The following CDH10 variants were observed in gnomAD, a reference collection of about 807,000 sequenced individuals.
CDH10 encodes cadherin-10.
In CDH10, 30 loss-of-function variants were observed where a neutral mutation model predicts 73.1. The ratio of observed to expected loss-of-function variants is 0.41; its 90% CI spans 0.31 to 0.56. The LOEUF (loss-of-function observed/expected upper bound fraction) is 0.56, where lower values mean the gene tolerates loss of function less well. CDH10 is among the 20% of genes least tolerant of loss of function. The pLI is 0.27. For synonymous variants in CDH10, 345 were observed against 348.2 expected, an observed-to-expected ratio of 0.99 and a Z score of 0.10; for missense variants, 815 against 973.7, an observed-to-expected ratio of 0.84 and a Z score of 2.17.
At chr5:24,593,215 T>C (rs1215129397) in intron 2 of CDH10, 45 bp downstream of exon 2, 2 of 1,067,162 alleles carry the variant, frequency 1.9e-6, no homozygotes, top group African/African-American at 3.2e-5. Flanking sequence ...CAGTAAAATA[T>C]ATAAAGAGCA....
intron 2 of CDH10, among the ~76,000 whole-genome samples, chr5:24,573,571 G>A (rs1405015142): frequency 6.6e-6 from 1 of 151,336 alleles, no homozygotes; most frequent in Non-Finnish European, 1.5e-5. Context: ...CGTGGTGGCG[G>A]GCACCTGTAG....
At chr5:24,516,435 T>C (rs1430061994) in intron 5 of CDH10, among the ~76,000 whole-genome samples, 5 of 151,906 alleles carry the variant, frequency 3.3e-5, no homozygotes, top group Admixed American at 1.3e-4. Context: ...GTGATCTTAC[T>C]GGCAACAATT....
intron 1 of CDH10, among the ~76,000 whole-genome samples, chr5:24,597,198 C>T (rs1382193865): frequency 6.6e-6 from 1 of 152,016 alleles, no homozygotes; most frequent in Non-Finnish European, 1.5e-5. Flanking sequence ...GACCAGTGCT[C>T]CTCCACTTTT....
chr5:24,600,806 G>T (rs1161046500), intron 1 of CDH10, among the ~76,000 whole-genome samples: 1 of 152,050 alleles, frequency 6.6e-6, no homozygotes, highest in South Asian at 2.1e-4. Context: ...ATACATTAAG[G>T]AAATAAAATT....
chr5:24,576,356 G>C (rs1745598069), intron 2 of CDH10, among the ~76,000 whole-genome samples: 1 of 151,910 alleles, frequency 6.6e-6, no homozygotes, highest in South Asian at 2.1e-4. Context: ...TTTCAACTTA[G>C]AGCCACGTGC....
chr5:24,535,516 T>C (rs1383579694), intron 4 of CDH10, among the ~76,000 whole-genome samples, 187 bp downstream of exon 4: 1 of 152,124 alleles, frequency 6.6e-6, no homozygotes. Flanking sequence ...TGTTCAAATA[T>C]CTAAACAGAG....
intron 8 of CDH10, among the ~76,000 whole-genome samples, chr5:24,501,358 G>C (rs1316155392): frequency 6.6e-6 from 1 of 152,126 alleles, no homozygotes; most frequent in African/African-American, 2.4e-5. Context: ...GCTTTGTAAA[G>C]CATCGAGCCT....
intron 1 of CDH10, among the ~76,000 whole-genome samples, chr5:24,633,827 T>C (rs1266482678): frequency 6.6e-6 from 1 of 151,854 alleles, no homozygotes; most frequent in Non-Finnish European, 1.5e-5. Context: ...CACATCTGTT[T>C]CAATGCTTCC....
rs756253577 is a variant in CDH10 at position 24,587,790 on chromosome 5, CAG to C, written c.231+5468_231+5469del. 3.6e-4 allele frequency among the ~76,000 whole-genome samples: 55 copies of C among 152,150 alleles called. 2 individuals are homozygous for C. Among genetic ancestry groups the C allele is most frequent in the African/African-American group, 9.2e-4 (38 of 41,512 alleles). ...GGAATAAAGTTTTTCAAATTTATGA[CAG>C]AGAATTTTGAGTGCAAAATGTATGC... is the stretch of plus-strand genomic sequence containing the variant. On this transcript the variant is annotated intron_variant, in intron 2 of 11. Transcript: ENST00000264463.
At chr5:24,617,132 G>A (rs1423483242) in intron 1 of CDH10, among the ~76,000 whole-genome samples, 10 of 152,028 alleles carry the variant, frequency 6.6e-5, no homozygotes. Context: ...TTGAGACTTT[G>A]GACTAGACAA....
chr5:24,578,446 G>C (rs1426932241), intron 2 of CDH10: 1 of 345,748 alleles, frequency 2.9e-6, no homozygotes, highest in Non-Finnish European at 5.9e-6. Context: ...CATACAAAGA[G>C]TAATAGTCTG....
chr5:24,563,006 T>A (rs984700201), intron 2 of CDH10, among the ~76,000 whole-genome samples: 2 of 152,206 alleles, frequency 1.3e-5, no homozygotes, highest in Non-Finnish European at 2.9e-5. Context: ...TGAGCATTGC[T>A]AATGTAATAT....
At chr5:24,617,805 C>T (rs1316414750) in intron 1 of CDH10, among the ~76,000 whole-genome samples, 1 of 152,086 alleles carries the variant, frequency 6.6e-6, no homozygotes, top group Non-Finnish European at 1.5e-5. Context: ...GAGATGATAC[C>T]CACCTCCCCG....
intron 5 of CDH10, among the ~76,000 whole-genome samples, chr5:24,517,420 T>C (rs1427570559): frequency 6.6e-6 from 1 of 152,122 alleles, no homozygotes; most frequent in Non-Finnish European, 1.5e-5. Flanking sequence ...GGGAATAGGA[T>C]TTCTTCTTGA....
rs918948968 is a variant in CDH10 at position 24,534,694 on chromosome 5, A to AT, written c.814+417dup. Reference sequence around the variant, plus strand: ...TAGTTCTTATAATTTGTCAAATTAGATTTTTTGTCGAAAAAAATTGTCCTC... The same window carrying AT: ...TAGTTCTTATAATTTGTCAAATTAGATTTTTTTGTCGAAAAAAATTGTCCTC... On this transcript the variant is annotated intron_variant, in intron 5 of 11. Transcript: ENST00000264463. 5.5e-4 allele frequency among the ~76,000 whole-genome samples: 83 copies of AT among 152,210 alleles called. 1 individual carries two copies. Among genetic ancestry groups the AT allele is most frequent in the African/African-American group, 1.9e-3 (77 of 41,564 alleles).
chr5:24,570,188 C>G (rs535475492), intron 2 of CDH10, among the ~76,000 whole-genome samples: 1 of 152,026 alleles, frequency 6.6e-6, no homozygotes, highest in Admixed American at 6.5e-5. Flanking sequence ...ATTTTAACAC[C>G]AATAAAGTAT....
chr5:24,597,858 T>A (rs1480400169), intron 1 of CDH10, among the ~76,000 whole-genome samples: 2 of 151,914 alleles, frequency 1.3e-5, no homozygotes, highest in Admixed American at 6.6e-5. Context: ...TAAGCTACAA[T>A]CTATTCTTGG....
intron 1 of CDH10, among the ~76,000 whole-genome samples, chr5:24,625,125 C>T (rs1454196810): frequency 6.6e-6 from 1 of 152,004 alleles, no homozygotes; most frequent in Admixed American, 6.6e-5. Flanking sequence ...AGGTAGAGTG[C>T]TCATGGAAGT....
chr5:24,562,774 T>G (rs1745005683), intron 2 of CDH10, among the ~76,000 whole-genome samples: 1 of 152,066 alleles, frequency 6.6e-6, no homozygotes, highest in East Asian at 1.9e-4. Flanking sequence ...TAAATAGAAA[T>G]ACAATCACAG....
Sources: gnomAD v4.1 joint callset for allele counts (sites outside exome capture counted in the v4.1 genomes callset) on GRCh38, gnomAD v4.1.1 for gene constraint, MANE v1.5 for transcripts, NCBI Gene and HGNC (gene_info 2026-07-23, HGNC 2026-07-21) for gene names.